Variants in TSHZ2 observed in about 807,000 individuals in gnomAD.
The protein encoded by TSHZ2 is teashirt homolog 2.
TSHZ2 carries 21 observed loss-of-function variants against 74.4 expected under a neutral mutation model. The observed-to-expected ratio is 0.28, with a 90% CI of 0.20 to 0.41. The LOEUF is 0.41. TSHZ2 is among the 10% of genes least tolerant of loss of function. The pLI is 1.00. For missense variants in TSHZ2, 1,244 were observed against 1,293.5 expected (o/e 0.96, Z 0.59); for synonymous variants, 540 against 515.3 (o/e 1.05, Z -0.65).
chr20:52,983,217 C>T (rs1011185644), intron 1 of TSHZ2, among the ~76,000 whole-genome samples: 1 of 152,210 alleles, frequency 6.6e-6, no homozygotes, highest in Non-Finnish European at 1.5e-5. Context: ...CACCTCATTG[C>T]ACCTCAGCGT....
intron 2 of TSHZ2, among the ~76,000 whole-genome samples, chr20:53,291,286 A>G (rs954771244): frequency 2.6e-5 from 4 of 152,146 alleles, no homozygotes; most frequent in African/African-American, 9.7e-5. Context: ...AGCCCGGCCA[A>G]CATGGTGAAA....
intron 1 of TSHZ2, among the ~76,000 whole-genome samples, chr20:53,084,625 T>TCCTC (rs1164845134): frequency 4.9e-5 from 7 of 143,534 alleles, no homozygotes; most frequent in African/African-American, 1.6e-4. Context: ...CAACCAAACT[T>TCCTC]CCTCCCTCCC....
At chr20:53,221,452 G>C (rs542668102) in intron 1 of TSHZ2, among the ~76,000 whole-genome samples, 11 of 152,152 alleles carry the variant, frequency 7.2e-5, no homozygotes, top group Non-Finnish European at 1.6e-4. Flanking sequence ...TGGGTCAGCA[G>C]GGAATGTCCT....
At chr20:53,094,739 C>G (rs1273851508) in intron 1 of TSHZ2, among the ~76,000 whole-genome samples, 1 of 152,190 alleles carries the variant, frequency 6.6e-6, no homozygotes, top group Admixed American at 6.5e-5. Flanking sequence ...CTAGACTCTT[C>G]ACAAGATAGA....
chr20:53,353,246 A>C (rs1216522918), intron 2 of TSHZ2, among the ~76,000 whole-genome samples: 4 of 152,188 alleles, frequency 2.6e-5, no homozygotes, highest in Non-Finnish European at 4.4e-5. Context: ...CATAGCAAAC[A>C]CCCAGTGATA....
At chr20:53,040,560 C>T (rs376557739) in intron 1 of TSHZ2, among the ~76,000 whole-genome samples, 2 of 151,980 alleles carry the variant, frequency 1.3e-5, no homozygotes, top group South Asian at 2.1e-4. Context: ...GCTCCCACCC[C>T]GTCCCCCCAC....
chr20:53,470,125 T>C (rs1040968230), intron 2 of TSHZ2, among the ~76,000 whole-genome samples: 3 of 152,178 alleles, frequency 2.0e-5, no homozygotes, highest in African/African-American at 7.2e-5. Flanking sequence ...TCAGTCTCTG[T>C]TGTCAACGCT....
intron 2 of TSHZ2, among the ~76,000 whole-genome samples, chr20:53,419,641 C>G (rs1225124474): frequency 6.6e-6 from 1 of 152,216 alleles, no homozygotes; most frequent in African/African-American, 2.4e-5. Context: ...AGCAGGAGGT[C>G]TTAACCACAG....
chr20:53,085,728 C>G (rs1010874302), intron 1 of TSHZ2, among the ~76,000 whole-genome samples: 6 of 152,198 alleles, frequency 3.9e-5, no homozygotes, highest in Non-Finnish European at 8.8e-5. Context: ...CCCAGGTGGT[C>G]TAGACCTCAT....
chr20:53,059,455 C>A (rs986474906), intron 1 of TSHZ2, among the ~76,000 whole-genome samples: 2 of 152,014 alleles, frequency 1.3e-5, no homozygotes, highest in African/African-American at 4.8e-5. Flanking sequence ...AAAATAAATA[C>A]CCCCGTCCCT....
At chr20:53,011,213 G>C (rs921227074) in intron 1 of TSHZ2, among the ~76,000 whole-genome samples, 1 of 152,122 alleles carries the variant, frequency 6.6e-6, no homozygotes, top group Non-Finnish European at 1.5e-5. Flanking sequence ...AGCTAAGCAG[G>C]GGTGTCATGA....
In TSHZ2 at chr20:53,469,723, AG is replaced by A. The variant is rs1438841734; in HGVS notation, c.*9-17418del. 1.2e-4 allele frequency among the ~76,000 whole-genome samples: 16 copies of A among 130,836 alleles called. 1 individual carries two copies. The highest frequency in any genetic ancestry group is 4.0e-4 in the African/African-American group (14 of 35,246). The allele number at this position is 130,836 out of a possible 152,430, so 85.8% of individuals were successfully genotyped here. On this transcript the variant is annotated intron_variant, in intron 2 of 2. Transcript: ENST00000371497. The stretch of plus-strand genomic sequence containing the variant: ...AAGATAGAGAAAGAGAGAGGGAGGA[AG>A]GGAGGGAGGAAGGAAGGAAGGACCC...
At chr20:53,417,243 C>CACACACAG (rs1238576502) in intron 2 of TSHZ2, among the ~76,000 whole-genome samples, 1 of 25,634 alleles carries the variant, frequency 3.9e-5, no homozygotes, top group Non-Finnish European at 9.8e-5. Flanking sequence ...CACACACAGA[C>CACACACAG]ACACACACAC....
intron 2 of TSHZ2, among the ~76,000 whole-genome samples, chr20:53,362,207 T>C (rs1406423391): frequency 7.9e-6 from 1 of 126,684 alleles, no homozygotes; most frequent in Non-Finnish European, 1.7e-5. Context: ...TTTTTTGAGA[T>C]GGAGTCTCGC....
intron 1 of TSHZ2, among the ~76,000 whole-genome samples, chr20:53,109,987 T>C (rs114395159): frequency 0.017 from 2,555 of 152,318 alleles, 73 homozygotes; most frequent in African/African-American, 0.059. Flanking sequence ...CTGTTGGAGC[T>C]TCACAATACT....
intron 1 of TSHZ2, among the ~76,000 whole-genome samples, chr20:53,014,311 C>T (rs1289422529): frequency 1.3e-5 from 2 of 152,152 alleles, no homozygotes; most frequent in African/African-American, 4.8e-5. Flanking sequence ...ATTACTTCTT[C>T]AGGGCCCCTC....
At chr20:52,992,676 G>C (rs1324396245) in intron 1 of TSHZ2, among the ~76,000 whole-genome samples, 1 of 152,172 alleles carries the variant, frequency 6.6e-6, no homozygotes, top group Non-Finnish European at 1.5e-5. Flanking sequence ...GAGGTGAAAG[G>C]AAGGTGGAAA....
At chr20:53,321,269 C>A (rs890098133) in intron 2 of TSHZ2, among the ~76,000 whole-genome samples, 1 of 152,046 alleles carries the variant, frequency 6.6e-6, no homozygotes, top group Non-Finnish European at 1.5e-5. Flanking sequence ...TTATATCATT[C>A]CTTCATATTT....
intron 1 of TSHZ2, among the ~76,000 whole-genome samples, chr20:53,006,842 G>A (rs1459115659): frequency 1.3e-5 from 2 of 152,034 alleles, no homozygotes; most frequent in Non-Finnish European, 2.9e-5. Context: ...GGGTGCTATG[G>A]TTTATTTTGT....
Sources: allele counts gnomAD v4.1 joint callset (sites outside exome capture counted in the v4.1 genomes callset), GRCh38; gene constraint gnomAD v4.1.1; transcripts MANE v1.5; gene names NCBI Gene and HGNC (gene_info 2026-07-23, HGNC 2026-07-21).